SLC25A48: variants seen among roughly 807,000 people sequenced by gnomAD.
SLC25A48 encodes CTC-321K16.1.
SLC25A48 carries 29 observed loss-of-function variants against 32.2 expected under a neutral mutation model. That is an observed-to-expected ratio of 0.90 (90% CI 0.67 to 1.23). The LOEUF (loss-of-function observed/expected upper bound fraction) is 1.23. Among genes scored for constraint, SLC25A48 ranks in the 50% most tolerant of loss-of-function variants. The pLI is 0.00. For synonymous variants in SLC25A48, 164 were observed against 172.3 expected (o/e 0.95, Z 0.38); for missense variants, 399 against 422.7 (o/e 0.94, Z 0.49).
chr5:135,879,774 A>C (rs1762325123), intron 6 of SLC25A48, among the ~76,000 whole-genome samples, 194 bp from the exon 7 acceptor site: 1 of 152,184 alleles, frequency 6.6e-6, no homozygotes, highest in African/African-American at 2.4e-5. Context: ...GAAAAGCACC[A>C]CCAGGCATGA....
At chr5:135,749,075 C>A (rs1755708943) in intron 3 of SLC25A48, among the ~76,000 whole-genome samples, 1 of 152,108 alleles carries the variant, frequency 6.6e-6, no homozygotes, top group Non-Finnish European at 1.5e-5. Flanking sequence ...TCCCTTAAGA[C>A]ATTTCCTGGC....
rs527267001 is a variant in SLC25A48 at position 135,591,103 on chromosome 5, T to C, written c.-849+11506T>C. On this transcript the variant is annotated intron_variant, in intron 1 of 10. Transcript: ENST00000646290. Reference sequence around the variant, plus strand: ...CTGCCTTCTCTCCAAAGCTTTCCCCTAACTGCAGGGTGCCTGTGATTCCAC... The same window carrying C: ...CTGCCTTCTCTCCAAAGCTTTCCCCCAACTGCAGGGTGCCTGTGATTCCAC... Among the ~76,000 whole-genome samples, 13 of 152,310 alleles carry C rather than the reference T, an allele frequency of 8.5e-5. No homozygotes were observed. The South Asian group carries it at 2.7e-3, about 32-fold the overall frequency.
At chr5:135,839,914 C>T (rs1758847550) in intron 1 of SLC25A48, among the ~76,000 whole-genome samples, 1 of 152,206 alleles carries the variant, frequency 6.6e-6, no homozygotes, top group Non-Finnish European at 1.5e-5. Context: ...TCCTTCTTCA[C>T]CTTCCACCAT....
chr5:135,764,752 C>G (rs1173889537), intron 3 of SLC25A48, among the ~76,000 whole-genome samples: 1 of 149,188 alleles, frequency 6.7e-6, no homozygotes, highest in Non-Finnish European at 1.5e-5. Flanking sequence ...GGGTGCACAC[C>G]CCACCTGTGA....
chr5:135,684,728 CG>C (rs1478310429), intron 3 of SLC25A48, among the ~76,000 whole-genome samples: 2 of 152,192 alleles, frequency 1.3e-5, no homozygotes, highest in Admixed American at 1.3e-4. Flanking sequence ...TTTCACTTTA[CG>C]GTAGATGTTG....
At position 135,650,507 on chromosome 5, in the gene SLC25A48, C is replaced by T. The variant is rs10045717; in HGVS notation, c.-521+15551C>T. 0.46 allele frequency: 207,760 copies of T among 452,248 alleles called. 49,427 individuals are homozygous for T. Among genetic ancestry groups the T allele is most frequent in the Middle Eastern group, 0.52 (1,593 of 3,038 alleles). 28.0% of individuals were successfully genotyped at this position (452,248 alleles called of 1,614,324 possible). A position where few individuals can be genotyped will look rare whatever the true frequency, so the allele number is the denominator to read the frequency against. ...GTGCTGCCTTGGAGAAGGATGACTC[C>T]AGGACAAGGGATGACCCTGAACAAA... On this transcript the variant is annotated intron_variant, in intron 3 of 10. Coordinates refer to the SLC25A48 transcript ENST00000646290.
At chr5:135,724,188 C>T (rs188089170) in intron 3 of SLC25A48, among the ~76,000 whole-genome samples, 34 of 152,310 alleles carry the variant, frequency 2.2e-4, no homozygotes, top group African/African-American at 8.2e-4. Context: ...ATTTATTGAG[C>T]GTTTTCCCTG....
At chr5:135,633,340 A>G (rs183344971) in intron 2 of SLC25A48, among the ~76,000 whole-genome samples, 1 of 152,098 alleles carries the variant, frequency 6.6e-6, no homozygotes. Flanking sequence ...CCCAAATGTA[A>G]CTGTATTTGG....
At chr5:135,758,955 G>A (rs971201593) in intron 3 of SLC25A48, among the ~76,000 whole-genome samples, 4 of 151,078 alleles carry the variant, frequency 2.6e-5, no homozygotes, top group African/African-American at 7.3e-5. Flanking sequence ...GAATATTTAT[G>A]CTATAAATAA....
At chr5:135,605,345 C>T (rs1390522632) in intron 1 of SLC25A48, among the ~76,000 whole-genome samples, 2 of 152,228 alleles carry the variant, frequency 1.3e-5, no homozygotes, top group African/African-American at 2.4e-5. Context: ...GAGGTCTCGT[C>T]TGGAAACATC....
At chr5:135,850,191 G>A (rs1012587753) in intron 2 of SLC25A48, among the ~76,000 whole-genome samples, 2 of 152,194 alleles carry the variant, frequency 1.3e-5, no homozygotes, top group African/African-American at 2.4e-5. Flanking sequence ...ACAACTAGCT[G>A]GCCTTTGCCA....
At chr5:135,850,588 G>T (rs759718883) in intron 3 of SLC25A48, 92 bp downstream of exon 3, 4 of 1,205,148 alleles carry the variant, frequency 3.3e-6, no homozygotes, top group Non-Finnish European at 4.9e-6. Flanking sequence ...ATGCAGGTGG[G>T]GGCCTCTCAT....
chr5:135,670,512 A>C (rs1308577635), intron 3 of SLC25A48, among the ~76,000 whole-genome samples: 1 of 152,196 alleles, frequency 6.6e-6, no homozygotes, highest in Non-Finnish European at 1.5e-5. Flanking sequence ...GCTCACTGGC[A>C]GTATCACTCT....
intron 4 of SLC25A48, among the ~76,000 whole-genome samples, chr5:135,868,751 G>T (rs146639861): frequency 2.1e-3 from 313 of 151,902 alleles, no homozygotes; most frequent in African/African-American, 7.3e-3. Context: ...GATAAGTTTG[G>T]GTCTTGTTGC....
chr5:135,757,055 T>C (rs1755930453), intron 3 of SLC25A48, among the ~76,000 whole-genome samples: 1 of 150,368 alleles, frequency 6.7e-6, no homozygotes, highest in South Asian at 2.1e-4. Context: ...TGATATGATA[T>C]CTAGTGTTAA....
chr5:135,756,121 T>A (rs1755896003), intron 3 of SLC25A48, among the ~76,000 whole-genome samples: 1 of 152,070 alleles, frequency 6.6e-6, no homozygotes, highest in Non-Finnish European at 1.5e-5. Context: ...ATTAATGAAA[T>A]ATTGCTGTGA....
intron 3 of SLC25A48, among the ~76,000 whole-genome samples, chr5:135,709,571 G>C (rs1448422744): frequency 4.6e-5 from 7 of 152,212 alleles, no homozygotes; most frequent in Admixed American, 4.6e-4. Flanking sequence ...TTTGAAGCAG[G>C]GCGCCGTGGA....
chr5:135,691,116 C>T (rs911027138), intron 3 of SLC25A48, among the ~76,000 whole-genome samples: 1 of 152,212 alleles, frequency 6.6e-6, no homozygotes, highest in Non-Finnish European at 1.5e-5. Context: ...CGTTTCCCGT[C>T]ACACATTCAG....
intron 3 of SLC25A48, among the ~76,000 whole-genome samples, chr5:135,720,813 C>A (rs1754933393): frequency 6.6e-6 from 1 of 151,924 alleles, no homozygotes; most frequent in Non-Finnish European, 1.5e-5. Flanking sequence ...GAGAAGCGTG[C>A]ACTTTGGAGT....
Sources: allele counts gnomAD v4.1 joint callset (sites outside exome capture counted in the v4.1 genomes callset), GRCh38; gene constraint gnomAD v4.1.1; transcripts MANE v1.5; gene names NCBI Gene and HGNC (gene_info 2026-07-23, HGNC 2026-07-21).